Variants in TIMELESS observed in about 807,000 individuals in gnomAD.
The protein encoded by TIMELESS is timeless circadian regulator.
Under a neutral mutation model 164.3 loss-of-function variants are expected in TIMELESS, and 124 were observed. The observed-to-expected ratio is 0.75, with a 90% CI of 0.65 to 0.88. The LOEUF (loss-of-function observed/expected upper bound fraction) is 0.88. TIMELESS is among the 40% of genes least tolerant of loss of function. TIMELESS has a pLI of 0.00. For synonymous variants in TIMELESS, 564 were observed against 563.4 expected (o/e 1.00, Z -0.02); for missense variants, 1,422 against 1,491.4 (o/e 0.95, Z 0.77).
chr12:56,423,691 C>T lies in TIMELESS; in HGVS notation c.1983G>A (p.Glu661=). 6.2e-7 allele frequency: 1 copy of T among 1,614,042 alleles called. No homozygotes were observed. Among genetic ancestry groups the T allele is most frequent in the Non-Finnish European group, 8.5e-7 (1 of 1,179,978 alleles). Residue 661 remains glutamate (E), a synonymous_variant, in exon 17 of 29, where the codon GAG becomes GAA. Coordinates refer to ENST00000553532, the MANE Select transcript of TIMELESS (RefSeq NM_003920.5). ...CTTCTTCTTCCTCTGCCCCACGTTC[C>T]TCTGGGCCCTGCTGCCCTATAGACA... The part of the protein sequence containing the change: ...SAPLPRQQGP[E]ERGAEEEEEE...
chr12:56,420,029 A>AATATAT (rs1555176448), intron 26 of TIMELESS, among the ~76,000 whole-genome samples: 19 of 75,180 alleles, frequency 2.5e-4, no homozygotes, highest in East Asian at 1.5e-3. Context: ...AAAAAAAAAA[A>AATATAT]ATATATATAT....
chr12:56,439,916 T>C (rs564480657), intron 1 of TIMELESS, among the ~76,000 whole-genome samples: 9 of 152,174 alleles, frequency 5.9e-5, no homozygotes, highest in Non-Finnish European at 8.8e-5. Context: ...TATTTTCACA[T>C]TTCATCATAG....
At position 56,433,519 on chromosome 12, in the gene TIMELESS, C is replaced by T. The variant is rs771477785; in HGVS notation, c.366+19G>A. 4 of 1,614,026 alleles carry T rather than the reference C, an allele frequency of 2.5e-6. No homozygotes were observed. In the Admixed American group the frequency reaches 5.0e-5, roughly 20 times the overall value. On this transcript the variant is annotated intron_variant, in intron 4 of 28. Coordinates refer to ENST00000553532, the MANE Select transcript of TIMELESS (RefSeq NM_003920.5). ...ACTGCCCCATATTCCACCCCAGGGA[C>T]TCCAAAGGAAATCCTCACCTCTTTG...
At chr12:56,443,236 C>A (rs1446015003) in intron 1 of TIMELESS, among the ~76,000 whole-genome samples, 4 of 152,236 alleles carry the variant, frequency 2.6e-5, no homozygotes, top group East Asian at 1.9e-4. Context: ...TCACTGAATT[C>A]TTTTCCCAGC....
intron 8 of TIMELESS, 67 bp downstream of exon 8, chr12:56,431,404 G>T: frequency 1.3e-5 from 17 of 1,307,478 alleles, no homozygotes; most frequent in Non-Finnish European, 1.8e-5. Context: ...CCCCACCTTA[G>T]AATTTGCCTT....
rs1881509691 is a variant in TIMELESS, at chr12:56,421,975, C to T, written c.2566G>A (p.Val856Ile). ...VEAILAHLNT[V>I]PRTRKQIIHH... ...ATGATCTGCTTGCGTGTTCGAGGAA[C>T]AGTATTCAGGTGGGCCAAGATGGCT... The change falls in exon 21 of 29, where the codon GTT (valine) becomes ATT (isoleucine). Residue 856 changes from valine to isoleucine, a missense_variant. Physicochemically the swap from Val to Ile is conservative, Grantham distance 29. Transcript: ENST00000553532. 1 of 1,614,146 alleles carries T rather than the reference C, an allele frequency of 6.2e-7. No homozygotes were observed. Among genetic ancestry groups the T allele is most frequent in the Non-Finnish European group, 8.5e-7 (1 of 1,180,022 alleles).
At position 56,428,232 on chromosome 12, in the gene TIMELESS, G is replaced by A. The variant is rs759361045; in HGVS notation, c.1578+4C>T. ...TCTTTCTACATTGTGGGGCTGCCCA[G>A]TACCTGCACCACCAGGTTCCCACGG... On this transcript the variant is annotated splice_donor_region_variant and intron_variant, in intron 13 of 28. Coordinates refer to ENST00000553532, the MANE Select transcript of TIMELESS (RefSeq NM_003920.5). 6.3e-7 allele frequency: 1 copy of A among 1,593,772 alleles called. No individual in the cohort carries two copies. The highest frequency in any genetic ancestry group is 2.2e-5 in the East Asian group (1 of 44,550).
In TIMELESS at chr12:56,420,901, T is replaced by G; in HGVS notation, c.3041-20A>C. The G allele has an allele frequency of 1.9e-6, 3 of 1,614,058 alleles. No homozygotes were observed. The highest frequency in any genetic ancestry group is 1.7e-6 in the Non-Finnish European group (2 of 1,179,982). On this transcript the variant is annotated intron_variant, in intron 24 of 28. Coordinates refer to ENST00000553532, the MANE Select transcript of TIMELESS (RefSeq NM_003920.5). ...AAAAGCCTAAGGAAATGAGGGAAAC[T>G]TACATTTGACCCTACTCCCAAGCCC...
intron 1 of TIMELESS, among the ~76,000 whole-genome samples, chr12:56,436,410 C>G (rs528163776): frequency 1.3e-5 from 2 of 151,842 alleles, no homozygotes; most frequent in African/African-American, 4.8e-5. Flanking sequence ...GCCGAGATCA[C>G]GCCACCACAC....
rs761274076 is a variant in TIMELESS at position 56,428,398 on chromosome 12, A to T, written c.1416T>A (p.Ile472=). Residue 472 remains isoleucine (I), a synonymous_variant, in exon 13 of 29, where the codon ATT becomes ATA. Transcript: ENST00000553532. ...RESSRIIKNN[I]FYVMEYRELF... is the part of the protein sequence containing the mutation. The stretch of plus-strand genomic sequence containing the variant: ...GTTCTCGGTACTCCATCACATAGAA[A>T]ATATTGTCTAGGAATGGGGAAGAGA... The T allele has an allele frequency of 6.2e-7, 1 of 1,608,044 alleles. No homozygotes were observed. Among genetic ancestry groups the T allele is most frequent in the African/African-American group, 1.3e-5 (1 of 74,794 alleles).
chr12:56,418,973 A>T (rs1881363652), intron 26 of TIMELESS, among the ~76,000 whole-genome samples: 1 of 151,994 alleles, frequency 6.6e-6, no homozygotes, highest in Non-Finnish European at 1.5e-5. Flanking sequence ...TGGGAAAAAG[A>T]ACAAATGTAC....
intron 7 of TIMELESS, 82 bp from the exon 8 acceptor site, chr12:56,431,686 G>T: frequency 6.7e-7 from 1 of 1,493,308 alleles, no homozygotes; most frequent in Non-Finnish European, 9.0e-7. Flanking sequence ...TGCAAAGAGT[G>T]AACAAAATAG....
chr12:56,429,593 C>T (rs1427287630), intron 10 of TIMELESS, among the ~76,000 whole-genome samples: 1 of 149,878 alleles, frequency 6.7e-6, no homozygotes, highest in East Asian at 2.0e-4. Flanking sequence ...CCTCTGCCTC[C>T]CAGGTTCAAG....
rs1412552889 is a variant in TIMELESS, at chr12:56,417,115, G to C, written c.*601C>G. ...GGAACTTAGACATATCGCCAAGTCA[G>C]ACTGAGATGAGAACTTCTAATCTTA... is the stretch of plus-strand genomic sequence containing the variant. On this transcript the variant is annotated 3_prime_UTR_variant, in exon 29 of 29. Coordinates refer to ENST00000553532, the MANE Select transcript of TIMELESS (RefSeq NM_003920.5). 6.5e-6 allele frequency: 1 copy of C among 153,056 alleles called. No individual in the cohort carries two copies. 9.5% of individuals were successfully genotyped at this position (153,056 alleles called of 1,614,324 possible).
chr12:56,419,831 C>A (rs1473122566), intron 26 of TIMELESS, among the ~76,000 whole-genome samples: 5 of 150,452 alleles, frequency 3.3e-5, no homozygotes, highest in African/African-American at 1.2e-4. Context: ...CATGGCATAA[C>A]CCCATCTCTA....
chr12:56,425,079 G>A lies in TIMELESS; in HGVS notation c.1652C>T (p.Ser551Phe), dbSNP rs145244735. Reference protein sequence around the residue: ...DQAIVSGNVPSSPEEVEAVWP... With the variant: ...DQAIVSGNVPFSPEEVEAVWP... The stretch of plus-strand genomic sequence containing the variant: ...CACAGCCTCCACTTCTTCTGGGCTA[G>A]ATGGGACATTACCAGAAACAATGGC... Residue 551 changes from serine (S) to phenylalanine (F), a missense_variant, in exon 14 of 29, where the codon TCT (serine) becomes TTT (phenylalanine). Physicochemically the swap from Ser to Phe is radical, Grantham distance 155. Transcript: ENST00000553532. 10 of 1,614,094 alleles carry A rather than the reference G, an allele frequency of 6.2e-6. No homozygotes were observed. Among genetic ancestry groups the A allele is most frequent in the Non-Finnish European group, 8.5e-6 (10 of 1,180,056 alleles).
chr12:56,444,642 G>A (rs1023959040), intron 1 of TIMELESS, among the ~76,000 whole-genome samples: 1 of 151,934 alleles, frequency 6.6e-6, no homozygotes, highest in African/African-American at 2.4e-5. Flanking sequence ...AAGCCCCCAG[G>A]CTCAAGCTAT....
intron 13 of TIMELESS, among the ~76,000 whole-genome samples, chr12:56,427,337 G>A (rs1300238932): frequency 6.6e-6 from 1 of 152,064 alleles, no homozygotes; most frequent in Non-Finnish European, 1.5e-5. Context: ...TGCCCAGGCT[G>A]GTCTCAAACT....
At chr12:56,431,270 C>G (rs550688465) in intron 8 of TIMELESS, among the ~76,000 whole-genome samples, 2 of 150,836 alleles carry the variant, frequency 1.3e-5, no homozygotes, top group African/African-American at 4.9e-5. Context: ...AGGAGAATCG[C>G]TTGAACCCAG....
Sources: gnomAD v4.1 joint callset for allele counts (sites outside exome capture counted in the v4.1 genomes callset) on GRCh38, gnomAD v4.1.1 for gene constraint, MANE v1.5 for transcripts, NCBI Gene and HGNC (gene_info 2026-07-23, HGNC 2026-07-21) for gene names.